Variants in RBFOX1 observed in about 807,000 individuals in gnomAD.
RBFOX1 encodes RNA binding fox-1 homolog 1, also known as RNA binding protein fox-1 homolog 1.
Under a neutral mutation model 57.7 loss-of-function variants are expected in RBFOX1, and 8 were observed. That is an observed-to-expected ratio of 0.14 (90% CI 0.08 to 0.25). The LOEUF is 0.25. Ranked by LOEUF, RBFOX1 falls within the 10% of genes least tolerant of loss-of-function variation. The probability of loss-of-function intolerance (pLI) is 1.00; values close to 1 mark genes in which losing one functional copy is unlikely to be tolerated. For synonymous variants in RBFOX1, 326 were observed against 222.4 expected (o/e 1.47, Z -4.15); for missense variants, 611 against 548.5 (o/e 1.11, Z -1.14).
In RBFOX1 at chr16:7,099,644, T is replaced by C. The variant is rs542493357; in HGVS notation, c.27+47546T>C. ...AAGGTGGTTGGGGTATAGCTTGCTTTTATACATTTAGGGAGACATGAGACA... is the reference window on the plus strand; with the variant it reads ...AAGGTGGTTGGGGTATAGCTTGCTTCTATACATTTAGGGAGACATGAGACA... On this transcript the variant is annotated intron_variant, in intron 4 of 15. Transcript: ENST00000550418. Among the ~76,000 whole-genome samples the C allele has an allele frequency of 2.6e-5, 4 of 152,198 alleles. No homozygotes were observed. The South Asian group carries it at 8.3e-4, about 32-fold the overall frequency.
intron 4 of RBFOX1, among the ~76,000 whole-genome samples, chr16:5,976,926 G>A (rs1410469891): frequency 1.3e-5 from 2 of 152,130 alleles, no homozygotes; most frequent in Admixed American, 1.3e-4. Context: ...GTGGAACAAC[G>A]TTAGAAGTGC....
chr16:7,429,001 A>T (rs909723889), intron 4 of RBFOX1, among the ~76,000 whole-genome samples: 1 of 152,094 alleles, frequency 6.6e-6, no homozygotes, highest in Non-Finnish European at 1.5e-5. Flanking sequence ...GAGGATTTCT[A>T]TTGTTGTCCT....
chr16:6,570,394 T>C (rs7186724), intron 2 of RBFOX1, among the ~76,000 whole-genome samples: 8,141 of 152,196 alleles, frequency 0.053, 713 homozygotes, highest in African/African-American at 0.18. Flanking sequence ...GAATTTTTTA[T>C]ATGAAAGATA....
In RBFOX1 at chr16:6,238,745, C is replaced by T. The variant is rs182336193; in HGVS notation, c.-126-78250C>T. Among the ~76,000 whole-genome samples the T allele has an allele frequency of 4.0e-4, 61 of 152,180 alleles. No homozygotes were observed. The East Asian group carries it at 0.011, about 28-fold the overall frequency. Reference sequence around the variant, plus strand: ...GCTCTTGTTACATTTTTCTGACTGACTATTTTTTTAAAATGTTTTTAATGT... The same window carrying T: ...GCTCTTGTTACATTTTTCTGACTGATTATTTTTTTAAAATGTTTTTAATGT... On this transcript the variant is annotated intron_variant, in intron 1 of 15. Transcript: ENST00000550418.
At chr16:5,884,499 C>A (rs1202885251) in intron 4 of RBFOX1, among the ~76,000 whole-genome samples, 1 of 146,084 alleles carries the variant, frequency 6.8e-6, no homozygotes, top group Non-Finnish European at 1.5e-5. Context: ...GGGTACACAG[C>A]TGGACTACAT....
chr16:7,138,049 T>G (rs1850869722), intron 4 of RBFOX1, among the ~76,000 whole-genome samples: 1 of 152,166 alleles, frequency 6.6e-6, no homozygotes, highest in Admixed American at 6.5e-5. Context: ...GGAATTTTAG[T>G]CACCATCTTA....
chr16:7,196,672 C>G (rs1360912841), intron 4 of RBFOX1, among the ~76,000 whole-genome samples: 1 of 151,874 alleles, frequency 6.6e-6, no homozygotes, highest in Non-Finnish European at 1.5e-5. Context: ...GTGTGTATAA[C>G]TATAAGTAAA....
At chr16:6,469,000 A>G (rs2095113962) in intron 2 of RBFOX1, among the ~76,000 whole-genome samples, 1 of 151,976 alleles carries the variant, frequency 6.6e-6, no homozygotes. Flanking sequence ...TTTCTTAGGA[A>G]CCAGAAGCCC....
rs896893715 is a variant in RBFOX1, at chr16:5,811,609, T to C, written c.319-55694T>C. On this transcript the variant is annotated intron_variant, in intron 3 of 19. Transcript: ENST00000641259. Reference sequence around the variant, plus strand: ...GGGATTACAGGCATGCACCACCACATTGAGCTAATTTTTGTAATTTTAGTA... The same window carrying C: ...GGGATTACAGGCATGCACCACCACACTGAGCTAATTTTTGTAATTTTAGTA... Among the ~76,000 whole-genome samples the C allele has an allele frequency of 3.3e-5, 5 of 152,006 alleles. No homozygotes were observed. The East Asian group carries it at 9.7e-4, about 29-fold the overall frequency.
intron 1 of RBFOX1, among the ~76,000 whole-genome samples, chr16:5,282,203 C>G (rs1330484875): frequency 1.3e-5 from 2 of 152,208 alleles, no homozygotes; most frequent in Non-Finnish European, 1.5e-5. Context: ...TAAGATGTGA[C>G]TTGCCTCTCC....
At chr16:5,494,208 A>G (rs1393428137) in intron 2 of RBFOX1, among the ~76,000 whole-genome samples, 2 of 152,178 alleles carry the variant, frequency 1.3e-5, no homozygotes, top group Non-Finnish European at 2.9e-5. Context: ...CAGTTCTATG[A>G]TGTCTCCTTG....
At chr16:6,756,597 A>G (rs1270095526) in intron 3 of RBFOX1, among the ~76,000 whole-genome samples, 1 of 152,196 alleles carries the variant, frequency 6.6e-6, no homozygotes, top group African/African-American at 2.4e-5. Context: ...ATGACAAGGA[A>G]CACAGTCAAC....
intron 3 of RBFOX1, among the ~76,000 whole-genome samples, chr16:6,979,401 C>G (rs1354510460): frequency 1.3e-5 from 2 of 152,136 alleles, no homozygotes; most frequent in Non-Finnish European, 2.9e-5. Flanking sequence ...GTGCGATAGA[C>G]CCACTAAATT....
chr16:6,876,226 C>G (rs757899166), intron 3 of RBFOX1, among the ~76,000 whole-genome samples: 1 of 152,024 alleles, frequency 6.6e-6, no homozygotes. Flanking sequence ...ATCAGCAACA[C>G]AATCCATCTT....
At chr16:7,145,162 A>G (rs2074684269) in intron 4 of RBFOX1, among the ~76,000 whole-genome samples, 1 of 152,034 alleles carries the variant, frequency 6.6e-6, no homozygotes, top group African/African-American at 2.4e-5. Context: ...TACCATCCCA[A>G]TCATTTCTTT....
intron 2 of RBFOX1, among the ~76,000 whole-genome samples, chr16:6,413,816 C>T (rs778585314): frequency 7.9e-5 from 12 of 152,140 alleles, no homozygotes; most frequent in African/African-American, 2.2e-4. Context: ...CTCACACTAG[C>T]CCCTGCATGT....
chr16:5,656,568 C>G (rs151284681), intron 3 of RBFOX1, among the ~76,000 whole-genome samples: 3 of 152,274 alleles, frequency 2.0e-5, no homozygotes, highest in African/African-American at 2.4e-5. Context: ...TGTCCATCAC[C>G]TCTAAAAGTT....
intron 3 of RBFOX1, among the ~76,000 whole-genome samples, chr16:5,703,629 G>A (rs764253122): frequency 6.6e-6 from 1 of 152,184 alleles, no homozygotes; most frequent in Non-Finnish European, 1.5e-5. Flanking sequence ...GCTTGCATTT[G>A]GGTTTCAGCT....
chr16:7,692,492 A>G (rs8063503), intron 14 of RBFOX1, among the ~76,000 whole-genome samples: 148,508 of 152,074 alleles, frequency 0.98, 72,620 homozygotes, highest in East Asian at 1. Flanking sequence ...CATAAGCATA[A>G]TAAAAATCTA....
Sources: allele counts gnomAD v4.1 joint callset (sites outside exome capture counted in the v4.1 genomes callset), GRCh38; gene constraint gnomAD v4.1.1; transcripts MANE v1.5; gene names NCBI Gene and HGNC (gene_info 2026-07-23, HGNC 2026-07-21).